The following PDE4B variants were observed in gnomAD, a reference collection of about 807,000 sequenced individuals.
PDE4B encodes the protein 3',5'-cyclic-AMP phosphodiesterase 4B.
Under a neutral mutation model 82.2 loss-of-function variants are expected in PDE4B, and 20 were observed. The observed-to-expected ratio is 0.24, with a 90% confidence interval of 0.17 to 0.35. The LOEUF is 0.35. Among genes scored for constraint, PDE4B ranks in the 10% least tolerant of loss-of-function variants. The pLI is 1.00. For missense variants in PDE4B, 655 were observed against 907.2 expected (o/e 0.72, Z 3.57); for synonymous variants, 320 against 318.9 (o/e 1.00, Z -0.04).
chr1:66,319,403 CA>C (rs1272540712), intron 7 of PDE4B, among the ~76,000 whole-genome samples: 1 of 152,192 alleles, frequency 6.6e-6, no homozygotes, highest in Non-Finnish European at 1.5e-5. Context: ...CCTCTGATAA[CA>C]TCTTAATTTG....
At chr1:66,009,461 C>T (rs561274393) in intron 3 of PDE4B, among the ~76,000 whole-genome samples, 5 of 152,284 alleles carry the variant, frequency 3.3e-5, no homozygotes, top group African/African-American at 1.2e-4. Context: ...TTTCATTCCT[C>T]TATTCAGAAT....
intron 3 of PDE4B, among the ~76,000 whole-genome samples, chr1:66,120,615 A>C (rs1645690136): frequency 6.6e-6 from 1 of 152,180 alleles, no homozygotes; most frequent in Non-Finnish European, 1.5e-5. Context: ...AAGGTTTCAC[A>C]TCAAAATCTG....
intron 3 of PDE4B, among the ~76,000 whole-genome samples, chr1:65,985,208 T>G (rs1395763093): frequency 6.6e-6 from 1 of 152,188 alleles, no homozygotes; most frequent in African/African-American, 2.4e-5. Flanking sequence ...AATATTAATT[T>G]AGGAAAATAT....
At chr1:65,851,497 T>G (rs1646333016) in intron 1 of PDE4B, among the ~76,000 whole-genome samples, 1 of 152,026 alleles carries the variant, frequency 6.6e-6, no homozygotes. Flanking sequence ...TATTTAGGTC[T>G]TTCTTTCCAC....
intron 1 of PDE4B, among the ~76,000 whole-genome samples, chr1:65,895,203 C>T (rs1407196726): frequency 1.3e-5 from 2 of 152,014 alleles, no homozygotes; most frequent in Non-Finnish European, 2.9e-5. Flanking sequence ...ATACATTACT[C>T]AGCTTAAAGT....
At chr1:65,858,308 G>T (rs1646415828) in intron 1 of PDE4B, among the ~76,000 whole-genome samples, 1 of 152,170 alleles carries the variant, frequency 6.6e-6, no homozygotes, top group African/African-American at 2.4e-5. Context: ...GTGGTTAGGT[G>T]TATAGGCCAA....
At chr1:66,196,799 G>A (rs935125754) in intron 3 of PDE4B, among the ~76,000 whole-genome samples, 3 of 135,210 alleles carry the variant, frequency 2.2e-5, no homozygotes, top group African/African-American at 8.1e-5. Flanking sequence ...TCACACTCTG[G>A]GGACTGTGGT....
At chr1:65,813,607 G>A (rs1467475183) in intron 1 of PDE4B, among the ~76,000 whole-genome samples, 1 of 152,162 alleles carries the variant, frequency 6.6e-6, no homozygotes, top group Non-Finnish European at 1.5e-5. Context: ...ATGTGTGCCA[G>A]TGTAGTTTTT....
At chr1:65,811,581 A>C (rs1410620150) in intron 1 of PDE4B, among the ~76,000 whole-genome samples, 1 of 152,216 alleles carries the variant, frequency 6.6e-6, no homozygotes, top group Non-Finnish European at 1.5e-5. Context: ...TATTAGTTAT[A>C]GGATCATGGA....
At chr1:66,232,166 A>T (rs1341976694) in intron 3 of PDE4B, among the ~76,000 whole-genome samples, 2 of 152,224 alleles carry the variant, frequency 1.3e-5, no homozygotes, top group African/African-American at 2.4e-5. Flanking sequence ...GACGTTTCTG[A>T]AACTCCTCAG....
intron 3 of PDE4B, among the ~76,000 whole-genome samples, chr1:65,995,783 A>G (rs1241298977): frequency 6.6e-6 from 1 of 152,214 alleles, no homozygotes; most frequent in East Asian, 1.9e-4. Flanking sequence ...AGAAGTCTCT[A>G]AAAACATGTT....
chr1:65,988,894 A>G (rs1026435971), intron 3 of PDE4B, among the ~76,000 whole-genome samples: 1 of 152,154 alleles, frequency 6.6e-6, no homozygotes, highest in Non-Finnish European at 1.5e-5. Flanking sequence ...TATTGAATAT[A>G]AAAAGTATGT....
chr1:65,961,319 A>T (rs1557460852), intron 3 of PDE4B, among the ~76,000 whole-genome samples: 1 of 152,162 alleles, frequency 6.6e-6, no homozygotes, highest in Admixed American at 6.6e-5. Context: ...GAGAACAAAA[A>T]GTCAAAGGCC....
intron 3 of PDE4B, among the ~76,000 whole-genome samples, chr1:66,226,023 A>G (rs1651425974): frequency 6.6e-6 from 1 of 152,208 alleles, no homozygotes; most frequent in Non-Finnish European, 1.5e-5. Flanking sequence ...TTCAGGTCCT[A>G]AGCCTTGTGG....
chr1:65,843,535 T>C (rs1456253184), intron 1 of PDE4B, among the ~76,000 whole-genome samples: 2 of 152,178 alleles, frequency 1.3e-5, no homozygotes, highest in Non-Finnish European at 2.9e-5. Flanking sequence ...TTCCTACCTA[T>C]GGGACATGGA....
chr1:66,052,046 C>G (rs967970769), intron 3 of PDE4B, among the ~76,000 whole-genome samples: 5 of 152,078 alleles, frequency 3.3e-5, no homozygotes, highest in South Asian at 2.1e-4. Context: ...TTTCTTCTGC[C>G]AGTCCTGCTT....
intron 1 of PDE4B, among the ~76,000 whole-genome samples, chr1:65,891,572 T>C (rs1412010635): frequency 6.6e-6 from 1 of 152,072 alleles, no homozygotes; most frequent in Non-Finnish European, 1.5e-5. Flanking sequence ...TTACAAAACA[T>C]GCGCTTCTTA....
At chr1:66,189,410 T>A (rs1487925752) in intron 3 of PDE4B, among the ~76,000 whole-genome samples, 5 of 152,246 alleles carry the variant, frequency 3.3e-5, no homozygotes, top group Admixed American at 6.5e-5. Flanking sequence ...TTCTCCTGGA[T>A]AATATCCTGC....
intron 1 of PDE4B, among the ~76,000 whole-genome samples, chr1:65,850,465 G>A (rs926995638): frequency 3.3e-5 from 5 of 152,076 alleles, no homozygotes; most frequent in African/African-American, 1.2e-4. Context: ...TGAAGTTATT[G>A]TAGTGAGTTT....
Sources: gnomAD v4.1 joint callset for allele counts (sites outside exome capture counted in the v4.1 genomes callset) on GRCh38, gnomAD v4.1.1 for gene constraint, MANE v1.5 for transcripts, NCBI Gene and HGNC (gene_info 2026-07-23, HGNC 2026-07-21) for gene names.